Variants in ACTN2 observed in about 807,000 individuals in gnomAD.
The protein encoded by ACTN2 is actinin alpha 2.
In ACTN2, 39 loss-of-function variants were observed where a neutral mutation model predicts 113.8. The ratio of observed to expected loss-of-function variants is 0.34; its 90% CI spans 0.27 to 0.45. ACTN2 has a LOEUF of 0.45. Among genes scored for constraint, ACTN2 ranks in the 20% least tolerant of loss-of-function variants. ACTN2 has a pLI of 1.00. For missense variants in ACTN2, 992 were observed against 1,177.9 expected, an observed-to-expected ratio of 0.84 and a Z score of 2.31; for synonymous variants, 429 against 444.1, an observed-to-expected ratio of 0.97 and a Z score of 0.43.
At chr1:236,706,242 G>T (rs1054144185) in intron 1 of ACTN2, among the ~76,000 whole-genome samples, 7 of 151,726 alleles carry the variant, frequency 4.6e-5, no homozygotes, top group African/African-American at 1.7e-4. Flanking sequence ...AGCTTCTCAG[G>T]TTTCTTTTTA....
At chr1:236,752,348 A>G (rs1572144148) in intron 15 of ACTN2, among the ~76,000 whole-genome samples, 1 of 152,120 alleles carries the variant, frequency 6.6e-6, no homozygotes, top group South Asian at 2.1e-4. Context: ...AGTTATAAAC[A>G]GCGCAAAAGA....
In ACTN2 at chr1:236,718,920, G is replaced by A. The variant is rs867564727; in HGVS notation, c.268G>A (p.Gly90Arg). The stretch of plus-strand genomic sequence containing the variant: ...GGAAAGGCTGCCCAAACCTGACCGG[G>A]GAAAAATGCGGTTCCACAAAATTGC... ...SGERLPKPDRGKMRFHKIANV... is the reference protein window; with the variant it reads ...SGERLPKPDRRKMRFHKIANV... Residue 90 changes from glycine to arginine, a missense_variant, in exon 3 of 21, where the codon GGA (glycine) becomes AGA (arginine). Gly to Arg is a moderately radical substitution (Grantham distance 125). This residue lies in a region of ACTN2 where 220 missense variants were observed against 337.5 expected (regional missense o/e 0.65). Transcript: ENST00000366578. 6.2e-7 allele frequency: 1 copy of A among 1,614,122 alleles called. No individual in the cohort carries two copies. Among genetic ancestry groups the A allele is most frequent in the Non-Finnish European group, 8.5e-7 (1 of 1,180,014 alleles).
intron 7 of ACTN2, 130 bp from the exon 8 acceptor site, chr1:236,735,505 T>C (rs1658841648): frequency 1.2e-6 from 1 of 819,690 alleles, no homozygotes; most frequent in Non-Finnish European, 2.1e-6. Flanking sequence ...CACGGGCCCA[T>C]GAAACACAGA....
intron 4 of ACTN2, among the ~76,000 whole-genome samples, chr1:236,722,651 AG>A (rs1658432070): frequency 6.8e-6 from 1 of 147,564 alleles, no homozygotes; most frequent in African/African-American, 2.5e-5. Context: ...AAAAAAAAAA[AG>A]AAAAAGAAAA....
At chr1:236,732,308 G>T (rs903720723) in intron 7 of ACTN2, among the ~76,000 whole-genome samples, 1 of 152,130 alleles carries the variant, frequency 6.6e-6, no homozygotes, top group Admixed American at 6.5e-5. Context: ...ATTCTTCCTC[G>T]CCTCTTCCAG....
intron 1 of ACTN2, 79 bp from the exon 2 acceptor site, chr1:236,717,779 A>C: frequency 1.1e-6 from 1 of 941,354 alleles, no homozygotes; most frequent in Non-Finnish European, 1.7e-6. Context: ...AGAACGTGTA[A>C]GGTGTCAAGT....
intron 6 of ACTN2, among the ~76,000 whole-genome samples, chr1:236,729,954 C>G (rs1483249176): frequency 6.6e-6 from 1 of 152,164 alleles, no homozygotes; most frequent in African/African-American, 2.4e-5. Flanking sequence ...TATATAGCAC[C>G]AGGGCAGGCA....
chr1:236,749,105 GCTTCT>G lies in ACTN2; in HGVS notation c.1516-15_1516-11del. The G allele has an allele frequency of 3.1e-6, 5 of 1,613,774 alleles. No homozygotes were observed. Among genetic ancestry groups the G allele is most frequent in the Non-Finnish European group, 4.2e-6 (5 of 1,179,876 alleles). Reference sequence around the variant, plus strand: ...TTTTAATTAGTCTATGATAATGCTTGCTTCTCTTTATTCTTTAGAGAATGGAGAAA... The same window carrying G: ...TTTTAATTAGTCTATGATAATGCTTGCTTTATTCTTTAGAGAATGGAGAAA... On this transcript the variant is annotated splice_polypyrimidine_tract_variant and intron_variant, in intron 13 of 20. Transcript: ENST00000366578.
In ACTN2 at chr1:236,719,043, C is replaced by T. The variant is rs373067784; in HGVS notation, c.361+30C>T. 1.4e-5 allele frequency: 22 copies of T among 1,612,732 alleles called. 1 individual carries two copies. The highest frequency in any genetic ancestry group is 1.8e-4 in the Middle Eastern group (1 of 5,618). ...GAGGTGTGGTGGGTGGTCCTGTCTG[C>T]CACACTGACCTAATAGCGTAGGTGT... is the stretch of plus-strand genomic sequence containing the variant. On this transcript the variant is annotated intron_variant, in intron 3 of 20. Transcript: ENST00000366578.
chr1:236,737,605 C>G (rs972726611), intron 9 of ACTN2, among the ~76,000 whole-genome samples: 4 of 151,184 alleles, frequency 2.6e-5, no homozygotes, highest in African/African-American at 9.7e-5. Context: ...ACTCCATATG[C>G]AAAAGCCTCA....
At position 236,719,289 on chromosome 1, in the gene ACTN2, A is replaced by G. The variant is rs528474133; in HGVS notation, c.361+276A>G. Among the ~76,000 whole-genome samples, 14 of 152,330 alleles carry G rather than the reference A, an allele frequency of 9.2e-5. No homozygotes were observed. In the East Asian group the frequency reaches 1.7e-3, roughly 19 times the overall value. ...ACTGAGAAAGAACTTACACATCCCA[A>G]TGACTCTTAATAAGAACTAACTAAT... On this transcript the variant is annotated intron_variant, in intron 3 of 20. Coordinates refer to ENST00000366578, the MANE Select transcript of ACTN2 (RefSeq NM_001103.4).
chr1:236,743,130 C>A, intron 11 of ACTN2, 87 bp downstream of exon 11: 1 of 1,504,130 alleles, frequency 6.6e-7, no homozygotes, highest in Non-Finnish European at 9.2e-7. Context: ...TAACTCTGTG[C>A]CTAATGTCTG....
At chr1:236,748,721 AT>A (rs1659306992) in intron 13 of ACTN2, among the ~76,000 whole-genome samples, 1 of 152,184 alleles carries the variant, frequency 6.6e-6, no homozygotes, top group Non-Finnish European at 1.5e-5. Flanking sequence ...TTCTCTGCAC[AT>A]GTTGACTCTA....
At chr1:236,692,293 A>G (rs576651286) in intron 1 of ACTN2, among the ~76,000 whole-genome samples, 6 of 152,244 alleles carry the variant, frequency 3.9e-5, no homozygotes, top group East Asian at 1.9e-4. Flanking sequence ...GATCCTCCCC[A>G]TTAGAGCTCC....
intron 1 of ACTN2, among the ~76,000 whole-genome samples, chr1:236,708,956 A>G (rs896290877): frequency 2.6e-5 from 4 of 152,068 alleles, no homozygotes; most frequent in African/African-American, 7.2e-5. Flanking sequence ...TAATATTTAG[A>G]AAGAACCAGG....
At chr1:236,702,734 A>G (rs1449521133) in intron 1 of ACTN2, among the ~76,000 whole-genome samples, 1 of 152,148 alleles carries the variant, frequency 6.6e-6, no homozygotes, top group African/African-American at 2.4e-5. Context: ...TTTTTATTGC[A>G]TATGTTAATC....
At chr1:236,741,791 C>T (rs112766898) in intron 10 of ACTN2, among the ~76,000 whole-genome samples, 95 of 152,294 alleles carry the variant, frequency 6.2e-4, no homozygotes, top group African/African-American at 2.0e-3. Context: ...CAGCCTCTGT[C>T]GTCTTTTAAA....
intron 4 of ACTN2, among the ~76,000 whole-genome samples, chr1:236,724,107 GT>G (rs1400500028): frequency 2.0e-5 from 3 of 151,616 alleles, no homozygotes; most frequent in Admixed American, 2.0e-4. Flanking sequence ...CAAAATCAGA[GT>G]GCCAGCATGG....
intron 9 of ACTN2, among the ~76,000 whole-genome samples, chr1:236,738,209 G>A (rs147423371): frequency 1.3e-4 from 20 of 152,326 alleles, no homozygotes; most frequent in Non-Finnish European, 2.2e-4. Flanking sequence ...GAGTTTCACC[G>A]TGGTAGCCTG....
Sources: allele counts gnomAD v4.1 joint callset (sites outside exome capture counted in the v4.1 genomes callset), GRCh38; gene constraint gnomAD v4.1.1; regional missense constraint gnomAD v4.1.1; transcripts MANE v1.5; gene names NCBI Gene and HGNC (gene_info 2026-07-23, HGNC 2026-07-21).